Variants in QTMAN observed in about 807,000 individuals in gnomAD.
QTMAN encodes queuosine-tRNA mannosyltransferase.
At chr2:144,153,188 A>C in the QTMAN span, among the ~76,000 whole-genome samples, 2 of 152,220 alleles carry the variant, frequency 1.3e-5, no homozygotes, top group Admixed American at 1.3e-4. Context: ...AGAAGTTTGT[A>C]CTTTATCTTT....
the QTMAN span, among the ~76,000 whole-genome samples, chr2:144,123,154 C>T: frequency 6.6e-6 from 1 of 152,114 alleles, no homozygotes; most frequent in African/African-American, 2.4e-5. Flanking sequence ...GAATTTGATA[C>T]ACTATCATTA....
chr2:144,324,001 T>C, the QTMAN span, among the ~76,000 whole-genome samples: 1 of 152,186 alleles, frequency 6.6e-6, no homozygotes, highest in Non-Finnish European at 1.5e-5. Flanking sequence ...CAACCACCTT[T>C]TTATTGTCCT....
At chr2:144,130,668 A>T in the QTMAN span, among the ~76,000 whole-genome samples, 1 of 151,938 alleles carries the variant, frequency 6.6e-6, no homozygotes, top group South Asian at 2.1e-4. Flanking sequence ...ACAATACCTC[A>T]TTTAATTCTC....
At chr2:144,202,156 C>T in the QTMAN span, among the ~76,000 whole-genome samples, 2 of 152,062 alleles carry the variant, frequency 1.3e-5, no homozygotes, top group African/African-American at 2.4e-5. Context: ...GGACAATGTG[C>T]CCCAAAGAGG....
At chr2:144,179,233 T>C in the QTMAN span, among the ~76,000 whole-genome samples, 1 of 152,178 alleles carries the variant, frequency 6.6e-6, no homozygotes, top group African/African-American at 2.4e-5. Flanking sequence ...ATTCCTTTAC[T>C]GACAGTAGAG....
At chr2:144,221,448 T>G in the QTMAN span, among the ~76,000 whole-genome samples, 1 of 152,256 alleles carries the variant, frequency 6.6e-6, no homozygotes, top group South Asian at 2.1e-4. Context: ...CTGCATGAAA[T>G]GAATATATAA....
chr2:143,975,278 A>C, the QTMAN span, among the ~76,000 whole-genome samples: 1 of 152,058 alleles, frequency 6.6e-6, no homozygotes, highest in Non-Finnish European at 1.5e-5. Context: ...TTTATTGAGG[A>C]TTTCTAAGAT....
the QTMAN span, among the ~76,000 whole-genome samples, chr2:143,961,693 G>A: frequency 6.6e-6 from 1 of 152,082 alleles, no homozygotes; most frequent in Non-Finnish European, 1.5e-5. Flanking sequence ...TTCCCTGGTA[G>A]GATGGATAAA....
At chr2:144,253,306 G>A in the QTMAN span, among the ~76,000 whole-genome samples, 1 of 152,138 alleles carries the variant, frequency 6.6e-6, no homozygotes, top group African/African-American at 2.4e-5. Context: ...ATAGCAGCAT[G>A]AAAGCAAACT....
At chr2:144,076,597 G>C in the QTMAN span, among the ~76,000 whole-genome samples, 1 of 152,106 alleles carries the variant, frequency 6.6e-6, no homozygotes, top group African/African-American at 2.4e-5. Context: ...AAGGCAAACA[G>C]TCTGCTCACT....
At chr2:144,189,657 C>T in the QTMAN span, among the ~76,000 whole-genome samples, 1 of 151,914 alleles carries the variant, frequency 6.6e-6, no homozygotes, top group Non-Finnish European at 1.5e-5. Context: ...CACTCTGTCA[C>T]CGAGGCTGCT....
At chr2:144,215,686 G>A in the QTMAN span, among the ~76,000 whole-genome samples, 2 of 152,056 alleles carry the variant, frequency 1.3e-5, no homozygotes, top group African/African-American at 4.8e-5. Context: ...TCGTTCTACT[G>A]AATACTACAA....
chr2:144,083,788 G>A, the QTMAN span, among the ~76,000 whole-genome samples: 3 of 143,734 alleles, frequency 2.1e-5, no homozygotes, highest in Admixed American at 1.4e-4. Context: ...AAGGAACCTC[G>A]CCTCACCCAG....
chr2:144,185,673 GA>G, the QTMAN span, among the ~76,000 whole-genome samples: 1 of 152,112 alleles, frequency 6.6e-6, no homozygotes, highest in Non-Finnish European at 1.5e-5. Flanking sequence ...AATTTCTGAC[GA>G]GATGCAACAG....
chr2:144,113,377 C>G, the QTMAN span, among the ~76,000 whole-genome samples: 37 of 149,776 alleles, frequency 2.5e-4, no homozygotes, highest in African/African-American at 8.6e-4. Context: ...TGACCCTGAA[C>G]AGAGAACAAG....
the QTMAN span, among the ~76,000 whole-genome samples, chr2:144,288,270 A>T: frequency 6.6e-6 from 1 of 152,218 alleles, no homozygotes; most frequent in Non-Finnish European, 1.5e-5. Flanking sequence ...TTTATCTGTT[A>T]TCCCCCCTTC....
At chr2:144,288,174 C>A in the QTMAN span, among the ~76,000 whole-genome samples, 21 of 152,114 alleles carry the variant, frequency 1.4e-4, no homozygotes, top group Admixed American at 6.6e-4. Flanking sequence ...CAGCAGCCAA[C>A]ACAATTTATA....
chr2:144,188,426 T>A, the QTMAN span, among the ~76,000 whole-genome samples: 1 of 152,170 alleles, frequency 6.6e-6, no homozygotes, highest in African/African-American at 2.4e-5. Flanking sequence ...TTTCTTTTCC[T>A]AAAAAGTGAG....
the QTMAN span, among the ~76,000 whole-genome samples, chr2:144,182,829 A>ATATATATATATTATATATAT: frequency 6.5e-5 from 4 of 61,178 alleles, no homozygotes; most frequent in Non-Finnish European, 1.2e-4. Flanking sequence ...TATATATATA[A>ATATATATATATTATATATAT]TATATATATA....
Sources: allele counts gnomAD v4.1 joint callset (sites outside exome capture counted in the v4.1 genomes callset), GRCh38; gene constraint gnomAD v4.1.1; transcripts MANE v1.5; gene names NCBI Gene and HGNC (gene_info 2026-07-23, HGNC 2026-07-21).